Variants in CACNA1C observed in about 807,000 individuals in gnomAD.
The protein encoded by CACNA1C is calcium voltage-gated channel subunit alpha1 C, also known as voltage-dependent L-type calcium channel subunit alpha-1C.
A neutral mutation model predicts 229.0 loss-of-function variants in CACNA1C; 30 were observed. The observed-to-expected ratio is 0.13, with a 90% CI of 0.10 to 0.18. CACNA1C has a LOEUF of 0.18. Among genes scored for constraint, CACNA1C ranks in the 10% least tolerant of loss-of-function variants. CACNA1C has a pLI of 1.00. For missense variants in CACNA1C, 1,658 were observed against 2,845.0 expected, an observed-to-expected ratio of 0.58 and a Z score of 9.49; for synonymous variants, 1,114 against 1,132.5, an observed-to-expected ratio of 0.98 and a Z score of 0.33.
At chr12:2,174,767 A>G (rs1244978855) in intron 3 of CACNA1C, among the ~76,000 whole-genome samples, 2 of 152,250 alleles carry the variant, frequency 1.3e-5, no homozygotes, top group Non-Finnish European at 2.9e-5. Flanking sequence ...CAGTCGATGA[A>G]CACATATTTT....
In CACNA1C at chr12:2,678,262, G is replaced by A. The variant is rs1357729096; in HGVS notation, c.5091+395G>A. Among the ~76,000 whole-genome samples the A allele has an allele frequency of 6.6e-6, 1 of 152,212 alleles. No individual in the cohort carries two copies. The highest frequency in any genetic ancestry group is 2.4e-5 in the African/African-American group (1 of 41,454). ...CTTCTGGCATTCTTTGGAAAAGTCA[G>A]GAGACCTGGTAATATTAAGCTTGCA... is the stretch of plus-strand genomic sequence containing the variant. On this transcript the variant is annotated intron_variant, in intron 41 of 46. Transcript: ENST00000399655. This position sits in a 1 kb window ranked among gnomAD's most constrained non-coding sequence, Gnocchi z 4.1.
rs1158493276 is a variant in CACNA1C, at chr12:2,653,171, G to A, written c.4075-664G>A. 6.6e-6 allele frequency among the ~76,000 whole-genome samples: 1 copy of A among 152,230 alleles called. No individual in the cohort carries two copies. Among genetic ancestry groups the A allele is most frequent in the Non-Finnish European group, 1.5e-5 (1 of 68,036 alleles). ...GAGCGAATAGAGCGTATGGAACCCA[G>A]CTCTGCAAGGCATTGCACTAAGCAC... On this transcript the variant is annotated intron_variant, in intron 32 of 46. Coordinates refer to ENST00000399655, the MANE Select transcript of CACNA1C (RefSeq NM_000719.7). This position sits in a 1 kb window ranked among gnomAD's most constrained non-coding sequence, Gnocchi z 4.7.
chr12:2,404,031 C>A (rs1049846911), intron 3 of CACNA1C, among the ~76,000 whole-genome samples: 1 of 152,226 alleles, frequency 6.6e-6, no homozygotes, highest in African/African-American at 2.4e-5. Flanking sequence ...GACTCAGGAT[C>A]CCCTAGGCTG....
At chr12:2,004,540 C>T in intron 1 of CACNA1C, 1 of 1,468,254 alleles carries the variant, frequency 6.8e-7, no homozygotes, top group South Asian at 1.4e-5. Flanking sequence ...CCACACGGCC[C>T]GGGAGGCCTT....
intron 1 of CACNA1C, among the ~76,000 whole-genome samples, chr12:2,076,872 C>A (rs2063400144): frequency 6.6e-6 from 1 of 152,176 alleles, no homozygotes; most frequent in Non-Finnish European, 1.5e-5. Flanking sequence ...ACACTGGGTT[C>A]TGCTATACGG....
Position 2,053,670 on chromosome 12 carries a change from C to T in CACNA1C, c.49+59C>T. The T allele has an allele frequency of 4.7e-6, 7 of 1,502,758 alleles. No individual in the cohort carries two copies. The highest frequency in any genetic ancestry group is 6.2e-6 in the Non-Finnish European group (7 of 1,124,510). 93.1% of individuals were successfully genotyped at this position (1,502,758 alleles called of 1,614,324 possible). On this transcript the variant is annotated intron_variant, in intron 1 of 46. Transcript: ENST00000399655. The surrounding 1 kb of genome is among the most constrained non-coding windows in gnomAD (Gnocchi z 5.8). ...CCTGCCTTTTCCACCGGGTTCCTGC[C>T]CTACCCGCGCTCCCCGCGGCCCCGG...
intron 3 of CACNA1C, among the ~76,000 whole-genome samples, chr12:2,273,334 C>G (rs1343107101): frequency 7.6e-4 from 116 of 152,178 alleles, no homozygotes; most frequent in African/African-American, 2.8e-3. Context: ...ATTTTCTTTT[C>G]AAATATTTTC....
At chr12:2,377,613 AG>A (rs1345799359) in intron 3 of CACNA1C, among the ~76,000 whole-genome samples, 1 of 152,196 alleles carries the variant, frequency 6.6e-6, no homozygotes, top group Non-Finnish European at 1.5e-5. Context: ...CCTTCACCAC[AG>A]CCACAGGTAC....
At position 2,608,424 on chromosome 12, in the gene CACNA1C, TG is replaced by T; in HGVS notation, c.3357-84del. On this transcript the variant is annotated intron_variant, in intron 26 of 46. Coordinates refer to ENST00000399655, the MANE Select transcript of CACNA1C (RefSeq NM_000719.7). This position sits in a 1 kb window ranked among gnomAD's most constrained non-coding sequence, Gnocchi z 4.2. ...GAGCTGTCTCCTGCACCCTGATCCC[TG>T]GGATCCCTGGAGCAGTGGTGCCGTC... 9.9e-7 allele frequency: 1 copy of T among 1,007,238 alleles called. No individual in the cohort carries two copies. The highest frequency in any genetic ancestry group is 1.5e-6 in the Non-Finnish European group (1 of 685,796). The allele number at this position is 1,007,238 out of a possible 1,614,324, so 62.4% of individuals were successfully genotyped here.
At chr12:1,974,696 A>G (rs1157727654) in intron 1 of CACNA1C, among the ~76,000 whole-genome samples, 1 of 152,162 alleles carries the variant, frequency 6.6e-6, no homozygotes, top group Non-Finnish European at 1.5e-5. Flanking sequence ...GCGTTTGATA[A>G]TGGCAATCCC....
chr12:2,443,994 G>C (rs1444542406), intron 3 of CACNA1C, among the ~76,000 whole-genome samples: 1 of 152,132 alleles, frequency 6.6e-6, no homozygotes, highest in African/African-American at 2.4e-5. Context: ...ATGCTACACA[G>C]TGACCGTGTC....
intron 3 of CACNA1C, among the ~76,000 whole-genome samples, chr12:2,234,498 C>T (rs912822373): frequency 6.6e-6 from 1 of 152,064 alleles, no homozygotes; most frequent in Non-Finnish European, 1.5e-5. Flanking sequence ...TCAGGTGTGC[C>T]GAAGATACTG....
intron 3 of CACNA1C, among the ~76,000 whole-genome samples, chr12:2,200,469 AC>A (rs1430417134): frequency 6.6e-6 from 1 of 152,180 alleles, no homozygotes. Context: ...AAGCCGCTAA[AC>A]ATCCTGCCAT....
intron 3 of CACNA1C, among the ~76,000 whole-genome samples, chr12:2,297,545 G>A (rs1194501730): frequency 6.6e-6 from 1 of 152,170 alleles, no homozygotes; most frequent in African/African-American, 2.4e-5. Context: ...GATGCTAGGG[G>A]GTCGTTTCTG....
chr12:2,327,070 G>A (rs1322630910), intron 3 of CACNA1C, among the ~76,000 whole-genome samples: 1 of 151,712 alleles, frequency 6.6e-6, no homozygotes, highest in African/African-American at 2.4e-5. Context: ...CCATGAGTAG[G>A]AGATGATCAG....
At chr12:2,258,956 G>A (rs975784745) in intron 3 of CACNA1C, among the ~76,000 whole-genome samples, 1 of 152,088 alleles carries the variant, frequency 6.6e-6, no homozygotes, top group African/African-American at 2.4e-5. Flanking sequence ...TAACATATGT[G>A]TTTTCAAATT....
chr12:2,475,127 G>A (rs1478061044), intron 5 of CACNA1C, among the ~76,000 whole-genome samples: 1 of 151,972 alleles, frequency 6.6e-6, no homozygotes, highest in Non-Finnish European at 1.5e-5. Context: ...GTGAAACCCC[G>A]TCTCTACTAA....
chr12:2,457,429 C>A (rs987021255), intron 4 of CACNA1C, 138 bp from the exon 5 acceptor site: 2 of 804,948 alleles, frequency 2.5e-6, no homozygotes, highest in Non-Finnish European at 3.8e-6. Context: ...ACAGACTCCA[C>A]GCACACCCAC....
intron 3 of CACNA1C, among the ~76,000 whole-genome samples, chr12:2,408,464 T>C (rs1183532308): frequency 6.6e-6 from 1 of 152,038 alleles, no homozygotes; most frequent in African/African-American, 2.4e-5. Flanking sequence ...TCCTGGGCTT[T>C]TGGCTAACGA....
Sources: allele counts gnomAD v4.1 joint callset (sites outside exome capture counted in the v4.1 genomes callset), GRCh38; gene constraint gnomAD v4.1.1; non-coding constraint Gnocchi (gnomAD v3.1); transcripts MANE v1.5; gene names NCBI Gene and HGNC (gene_info 2026-07-23, HGNC 2026-07-21).